GRIK2: variants seen among roughly 807,000 people sequenced by gnomAD.
GRIK2 encodes glutamate ionotropic receptor kainate type subunit 2, also known as glutamate receptor ionotropic, kainate 2.
In GRIK2, 32 loss-of-function variants were observed where a neutral mutation model predicts 100.3. The observed-to-expected ratio is 0.32, with a 90% CI of 0.24 to 0.43. The LOEUF is 0.43. GRIK2 is among the 20% of genes least tolerant of loss of function. The pLI, the probability that GRIK2 is intolerant of heterozygous loss-of-function variation, is 1.00. For missense variants in GRIK2, 843 were observed against 1,114.9 expected, an observed-to-expected ratio of 0.76 and a Z score of 3.47; for synonymous variants, 417 against 389.4, an observed-to-expected ratio of 1.07 and a Z score of -0.83.
At chr6:101,407,667 T>G (rs1284226706) in intron 2 of GRIK2, among the ~76,000 whole-genome samples, 2 of 152,142 alleles carry the variant, frequency 1.3e-5, no homozygotes, top group Non-Finnish European at 2.9e-5. Context: ...TTACTCAGTG[T>G]CAAAGCTTTT....
chr6:101,620,907 A>T (rs1467961244), intron 2 of GRIK2, among the ~76,000 whole-genome samples: 1 of 152,168 alleles, frequency 6.6e-6, no homozygotes, highest in Non-Finnish European at 1.5e-5. Context: ...GGTTGTGACA[A>T]GAGTGAGGGA....
intron 2 of GRIK2, among the ~76,000 whole-genome samples, chr6:101,538,735 T>C (rs1008880407): frequency 2.0e-5 from 3 of 151,724 alleles, no homozygotes; most frequent in Non-Finnish European, 4.4e-5. Flanking sequence ...TTTATTCATT[T>C]AATTACCATT....
intron 10 of GRIK2, among the ~76,000 whole-genome samples, chr6:101,837,961 A>C (rs1783245558): frequency 6.6e-6 from 1 of 152,280 alleles, no homozygotes; most frequent in Admixed American, 6.5e-5. Context: ...CGTGGTATTA[A>C]GAAAGTCTAG....
At chr6:101,754,524 A>G (rs1224410323) in intron 7 of GRIK2, among the ~76,000 whole-genome samples, 2 of 152,218 alleles carry the variant, frequency 1.3e-5, no homozygotes, top group Non-Finnish European at 2.9e-5. Context: ...CAGTAGACCT[A>G]TGCTAACCAA....
intron 14 of GRIK2, among the ~76,000 whole-genome samples, chr6:102,002,429 G>GTATATACACATATATGTATATATAAT (rs765475529): frequency 0.071 from 10,413 of 147,408 alleles, 520 homozygotes; most frequent in Middle Eastern, 0.13. Flanking sequence ...TACATACACA[G>GTATATACACATATATGTATATATAAT]TATATACACA....
At position 101,818,377 on chromosome 6, in the gene GRIK2, C is replaced by T. The variant is rs1243134449; in HGVS notation, c.1211C>T (p.Thr404Met). ...ACATATGCTATTTTATAGATTGGAA[C>T]GTGGGATCCAGCCAGTGGCCTGAAT... ...LKEEGLEKIG[T>M]WDPASGLNMT... Residue 404 changes from threonine to methionine, a missense_variant, in exon 10 of 17, where the codon ACG (threonine) becomes ATG (methionine). By Grantham distance (81) the Thr-to-Met change is moderately conservative (BLOSUM62 -1). Transcript: ENST00000369134. 19 of 1,584,556 alleles carry T rather than the reference C, an allele frequency of 1.2e-5. No homozygotes were observed. Among genetic ancestry groups the T allele is most frequent in the South Asian group, 3.3e-5 (3 of 90,408 alleles).
intron 7 of GRIK2, among the ~76,000 whole-genome samples, chr6:101,799,277 T>C (rs932187486): frequency 1.4e-5 from 2 of 146,540 alleles, no homozygotes; most frequent in Non-Finnish European, 3.0e-5. Context: ...AATGTACTCA[T>C]TGTGTGTGTG....
intron 7 of GRIK2, among the ~76,000 whole-genome samples, chr6:101,746,178 T>C (rs1434066149): frequency 1.3e-5 from 2 of 152,202 alleles, no homozygotes; most frequent in Non-Finnish European, 1.5e-5. Context: ...GTCTCCTTTC[T>C]ATCATTTGTC....
chr6:101,950,862 G>T (rs946357384), intron 14 of GRIK2, among the ~76,000 whole-genome samples: 5 of 152,122 alleles, frequency 3.3e-5, no homozygotes, highest in African/African-American at 1.2e-4. Context: ...GGATCAGGGA[G>T]AACTTATAGG....
In GRIK2 at chr6:101,409,108, ATGTGTGTGTGTGTGTGTGTG is replaced by A. The variant is rs67806970; in HGVS notation, c.115+9742_115+9761del. 5.8e-3 allele frequency among the ~76,000 whole-genome samples: 797 copies of A among 138,530 alleles called. 7 individuals are homozygous for A. Among genetic ancestry groups the A allele is most frequent in the Non-Finnish European group, 7.8e-3 (494 of 63,076 alleles). 90.9% of individuals were successfully genotyped at this position (138,530 alleles called of 152,430 possible). A position where few individuals can be genotyped will look rare whatever the true frequency, so the allele number is the denominator to read the frequency against. The stretch of plus-strand genomic sequence containing the variant: ...ATTTCTATTACCTGAAACATTGTGT[ATGTGTGTGTGTGTGTGTGTG>A]TGTGTGTGTGTGTGTGTGTGTGTGT... On this transcript the variant is annotated intron_variant, in intron 2 of 16. Coordinates refer to ENST00000369134, the MANE Select transcript of GRIK2 (RefSeq NM_021956.5).
At chr6:101,964,054 G>A (rs1156425528) in intron 14 of GRIK2, among the ~76,000 whole-genome samples, 2 of 119,802 alleles carry the variant, frequency 1.7e-5, no homozygotes, top group African/African-American at 7.1e-5. Flanking sequence ...ACTGAGATTT[G>A]TGTTTCTTGA....
chr6:101,415,952 A>AGTGT (rs982331287), intron 2 of GRIK2, among the ~76,000 whole-genome samples: 2 of 152,210 alleles, frequency 1.3e-5, no homozygotes, highest in Admixed American at 6.5e-5. Context: ...TACTTAGTAA[A>AGTGT]GTGTGTGGCA....
intron 4 of GRIK2, among the ~76,000 whole-genome samples, chr6:101,668,284 A>G (rs925467234): frequency 3.3e-5 from 5 of 152,084 alleles, no homozygotes; most frequent in African/African-American, 1.2e-4. Flanking sequence ...AATCCGCATC[A>G]CCACCCACCT....
intron 4 of GRIK2, among the ~76,000 whole-genome samples, chr6:101,639,510 T>C (rs1781183493): frequency 6.6e-6 from 1 of 152,132 alleles, no homozygotes; most frequent in Admixed American, 6.6e-5. Context: ...CTCCTCTTTA[T>C]AGTTCAGTGT....
At chr6:101,580,464 C>G (rs898981461) in intron 2 of GRIK2, among the ~76,000 whole-genome samples, 1 of 152,138 alleles carries the variant, frequency 6.6e-6, no homozygotes, top group Non-Finnish European at 1.5e-5. Context: ...CCACCTCTTC[C>G]ACTACCTTCC....
chr6:101,431,950 T>G (rs1203603855), intron 2 of GRIK2, among the ~76,000 whole-genome samples: 1 of 152,154 alleles, frequency 6.6e-6, no homozygotes, highest in Non-Finnish European at 1.5e-5. Flanking sequence ...CAACAAAACA[T>G]TATGCCTCAT....
intron 12 of GRIK2, among the ~76,000 whole-genome samples, chr6:101,906,787 C>T (rs1199770462): frequency 6.6e-6 from 1 of 151,676 alleles, no homozygotes; most frequent in East Asian, 1.9e-4. Flanking sequence ...CTCTATTAAC[C>T]ACCTGTTGTC....
intron 15 of GRIK2, among the ~76,000 whole-genome samples, chr6:102,051,016 A>T (rs1293425096): frequency 1.3e-5 from 2 of 152,190 alleles, no homozygotes; most frequent in Admixed American, 1.3e-4. Flanking sequence ...ATTTGATTAA[A>T]GTTTAACATA....
At chr6:101,756,303 T>C (rs1777131068) in intron 7 of GRIK2, among the ~76,000 whole-genome samples, 1 of 125,902 alleles carries the variant, frequency 7.9e-6, no homozygotes, top group Non-Finnish European at 1.6e-5. Flanking sequence ...GAACAAAGTT[T>C]AAGTCATGGC....
Sources: gnomAD v4.1 joint callset for allele counts (sites outside exome capture counted in the v4.1 genomes callset) on GRCh38, gnomAD v4.1.1 for gene constraint, MANE v1.5 for transcripts, NCBI Gene and HGNC (gene_info 2026-07-23, HGNC 2026-07-21) for gene names.